Variants in TTC34 observed in about 807,000 individuals in gnomAD.
The protein encoded by TTC34 is tetratricopeptide repeat domain 34.
TTC34 carries 44 observed loss-of-function variants against 40.7 expected under a neutral mutation model. The observed-to-expected ratio is 1.08, with a 90% CI of 0.85 to 1.39. The LOEUF (loss-of-function observed/expected upper bound fraction) is 1.39, where lower values mean the gene tolerates loss of function less well. Ranked by LOEUF, TTC34 falls within the 40% of genes most tolerant of loss-of-function variation. The probability of loss-of-function intolerance (pLI) is 0.00; values close to 1 mark genes in which losing one functional copy is unlikely to be tolerated. For missense variants in TTC34, 884 were observed against 838.0 expected, an observed-to-expected ratio of 1.05 and a Z score of -0.68; for synonymous variants, 422 against 398.6, an observed-to-expected ratio of 1.06 and a Z score of -0.70.
In TTC34 at chr1:2,692,146, C is replaced by G. The variant is rs1378872183; in HGVS notation, c.2227-46583G>C. Among the ~76,000 whole-genome samples, 2 of 101,890 alleles carry G rather than the reference C, an allele frequency of 2.0e-5. 1 individual carries two copies. Among genetic ancestry groups the G allele is most frequent in the Non-Finnish European group, 4.4e-5 (2 of 45,612 alleles). 66.8% of individuals were successfully genotyped at this position (101,890 alleles called of 152,430 possible). A position where few individuals can be genotyped will look rare whatever the true frequency, so the allele number is the denominator to read the frequency against. ...GACAGCCTGGGTCGGCACCCACAAC[C>G]CCAGGCGAGCATCTGACGGCCTGGA... is the stretch of plus-strand genomic sequence containing the variant. On this transcript the variant is annotated intron_variant, in intron 6 of 8. Transcript: ENST00000401095.
rs1414895357 is a variant in TTC34 at position 2,750,932 on chromosome 1, G to C, written c.2226+32677C>G. Among the ~76,000 whole-genome samples, 41 of 113,894 alleles carry C rather than the reference G, an allele frequency of 3.6e-4. 12 individuals are homozygous for C. Among genetic ancestry groups the C allele is most frequent in the African/African-American group, 1.6e-3 (39 of 25,022 alleles). 74.7% of individuals were successfully genotyped at this position (113,894 alleles called of 152,430 possible). On this transcript the variant is annotated intron_variant, in intron 6 of 8. Coordinates refer to ENST00000401095, the Ensembl canonical transcript of TTC34. Reference sequence around the variant, plus strand: ...GCACGGAGCAGCACCCACACCTTCAGGCGAGCATCGGACAGCCTGGAGCAG... The same window carrying C: ...GCACGGAGCAGCACCCACACCTTCACGCGAGCATCGGACAGCCTGGAGCAG...
At chr1:2,638,239 C>T (rs944291404) in exon 9 of TTC34, 2 of 152,054 alleles carry the variant, frequency 1.3e-5, no homozygotes, top group African/African-American at 2.4e-5. Flanking sequence ...CCAAAATGCT[C>T]GTAAGATGTT....
intron 6 of TTC34, among the ~76,000 whole-genome samples, chr1:2,759,652 TTCGACAGC>T (rs1641627139): frequency 6.7e-6 from 1 of 150,162 alleles, no homozygotes. Flanking sequence ...CAGGTGAGCA[TTCGACAGC>T]CTGGAGCAGC....
At chr1:2,698,253 T>C (rs1392598080) in intron 6 of TTC34, among the ~76,000 whole-genome samples, 1 of 61,728 alleles carries the variant, frequency 1.6e-5, no homozygotes, top group African/African-American at 4.5e-5. Context: ...CACCCCCAGG[T>C]AAGCATCTGA....
At chr1:2,648,224 C>T (rs1448592700) in intron 6 of TTC34, among the ~76,000 whole-genome samples, 6 of 152,162 alleles carry the variant, frequency 3.9e-5, no homozygotes, top group Non-Finnish European at 7.4e-5. Context: ...CTTGGTTTTG[C>T]GCTGGGCTCT....
chr1:2,778,820 C>A (rs1643417090), intron 6 of TTC34, among the ~76,000 whole-genome samples: 1 of 152,138 alleles, frequency 6.6e-6, no homozygotes, highest in Non-Finnish European at 1.5e-5. Context: ...TAAATACATT[C>A]ATCATGTTGT....
At chr1:2,682,529 GCC>G (rs1640126997) in intron 6 of TTC34, among the ~76,000 whole-genome samples, 1 of 69,880 alleles carries the variant, frequency 1.4e-5, no homozygotes. Context: ...GCATCTGACA[GCC>G]TGGAGCAGTG....
chr1:2,768,045 C>T (rs1470556289), intron 6 of TTC34, among the ~76,000 whole-genome samples: 4 of 151,530 alleles, frequency 2.6e-5, no homozygotes, highest in African/African-American at 4.8e-5. Context: ...CACCCCACAA[C>T]CCCAGGTGAT....
chr1:2,647,219 T>C (rs1639036497), intron 6 of TTC34, among the ~76,000 whole-genome samples: 1 of 152,260 alleles, frequency 6.6e-6, no homozygotes, highest in African/African-American at 2.4e-5. Context: ...TGTGTATATT[T>C]GTCCCATTCA....
chr1:2,690,161 G>A (rs1335824219), intron 6 of TTC34, among the ~76,000 whole-genome samples: 4 of 121,944 alleles, frequency 3.3e-5, no homozygotes, highest in African/African-American at 1.0e-4. Flanking sequence ...ATCTGACATC[G>A]TGGAGCAGCA....
intron 2 of TTC34, among the ~76,000 whole-genome samples, chr1:2,794,923 A>G (rs757499200): frequency 1.3e-5 from 2 of 152,164 alleles, no homozygotes; most frequent in Admixed American, 6.5e-5. Flanking sequence ...TAAGTTCTAT[A>G]TTATAATATT....
chr1:2,645,584 C>CGGGGGGGG lies in TTC34; in HGVS notation c.2227-22_2227-21insCCCCCCCC. The CGGGGGGGG allele has an allele frequency of 2.4e-5, 1 of 41,938 alleles. No individual in the cohort carries two copies. The highest frequency in any genetic ancestry group is 3.8e-5 in the Non-Finnish European group (1 of 26,100). 2.6% of individuals were successfully genotyped at this position (41,938 alleles called of 1,614,324 possible). On this transcript the variant is annotated intron_variant, in intron 6 of 8. Transcript: ENST00000401095. This position sits in a 1 kb window ranked among gnomAD's most constrained non-coding sequence, Gnocchi z 4.7. ...GCTTCCTGCAAGGAGGGAGGGCGGGCGGGTGCAGAGTTGTCCTAAGTAGAG... is the reference window on the plus strand; with the variant it reads ...GCTTCCTGCAAGGAGGGAGGGCGGGCGGGGGGGGGGGTGCAGAGTTGTCCTAAGTAGAG...
At chr1:2,789,431 A>G (rs1198649603) in intron 3 of TTC34, 72 bp downstream of exon 3, 1 of 1,396,566 alleles carries the variant, frequency 7.2e-7, no homozygotes, top group Admixed American at 2.4e-5. Context: ...AATAGGAGGA[A>G]ACACATCCGT....
chr1:2,767,826 A>C (rs1239129443), intron 6 of TTC34, among the ~76,000 whole-genome samples: 15 of 143,514 alleles, frequency 1.0e-4, no homozygotes, highest in South Asian at 4.6e-4. Context: ...AGCATCTGAC[A>C]GCCTGGAGCA....
intron 6 of TTC34, among the ~76,000 whole-genome samples, chr1:2,750,146 GT>G (rs1641267503): frequency 3.7e-5 from 3 of 80,898 alleles, no homozygotes; most frequent in African/African-American, 1.5e-4. Context: ...ATCCGACAGC[GT>G]GGAGCAGAAC....
chr1:2,683,172 C>A lies in TTC34; in HGVS notation c.2227-37609G>T, dbSNP rs1185523983. Among the ~76,000 whole-genome samples the A allele has an allele frequency of 2.1e-5, 3 of 140,230 alleles. 1 individual carries two copies. Among genetic ancestry groups the A allele is most frequent in the East Asian group, 4.1e-4 (2 of 4,846 alleles). 92.0% of individuals were successfully genotyped at this position (140,230 alleles called of 152,430 possible). A position where few individuals can be genotyped will look rare whatever the true frequency, so the allele number is the denominator to read the frequency against. ...ACAGCCCCAGGAGAGCATCCGGCAG[C>A]CTGGAGCGGAACCCACGGCCACAGG... On this transcript the variant is annotated intron_variant, in intron 6 of 8. Coordinates refer to ENST00000401095, the Ensembl canonical transcript of TTC34.
chr1:2,777,807 G>A (rs1017177224), intron 6 of TTC34, among the ~76,000 whole-genome samples: 8 of 152,306 alleles, frequency 5.3e-5, no homozygotes, highest in Admixed American at 1.3e-4. Context: ...CGTCCTGGCT[G>A]ACTTTCCCTG....
chr1:2,798,904 T>C (rs1219875247), intron 2 of TTC34, among the ~76,000 whole-genome samples: 1 of 78,720 alleles, frequency 1.3e-5, no homozygotes, highest in South Asian at 4.8e-4. Context: ...CCTCCCAGCC[T>C]CTCAGCCTCC....
chr1:2,698,771 C>T (rs12740972), intron 6 of TTC34, among the ~76,000 whole-genome samples: 1 of 149,700 alleles, frequency 6.7e-6, no homozygotes, highest in Non-Finnish European at 1.5e-5. Context: ...CCCACACCCC[C>T]AGGTGAACAT....
Sources: gnomAD v4.1 joint callset for allele counts (sites outside exome capture counted in the v4.1 genomes callset) on GRCh38, gnomAD v4.1.1 for gene constraint, Gnocchi (gnomAD v3.1) non-coding constraint, MANE v1.5 for transcripts, NCBI Gene and HGNC (gene_info 2026-07-23, HGNC 2026-07-21) for gene names.